The following PTPRM variants were observed in gnomAD, a reference collection of about 807,000 sequenced individuals.
The protein encoded by PTPRM is protein tyrosine phosphatase receptor type M, also known as receptor-type tyrosine-protein phosphatase mu.
In PTPRM, 47 loss-of-function variants were observed where a neutral mutation model predicts 186.7. The ratio of observed to expected loss-of-function variants is 0.25; its 90% CI spans 0.20 to 0.32. The LOEUF (loss-of-function observed/expected upper bound fraction) is 0.32. Among genes scored for constraint, PTPRM ranks in the 10% least tolerant of loss-of-function variants. PTPRM has a pLI of 1.00. For synonymous variants in PTPRM, 668 were observed against 674.9 expected, an observed-to-expected ratio of 0.99 and a Z score of 0.16; for missense variants, 1,494 against 1,865.0, an observed-to-expected ratio of 0.80 and a Z score of 3.66.
rs376111942 is a variant in PTPRM at position 8,126,360 on chromosome 18, G to GTA, written c.2167+11544_2167+11545dup. Among the ~76,000 whole-genome samples the GTA allele has an allele frequency of 8.6e-5, 13 of 151,358 alleles. No individual in the cohort carries two copies. In the South Asian group the frequency reaches 1.3e-3, roughly 15 times the overall value. On this transcript the variant is annotated intron_variant, in intron 13 of 32. Coordinates refer to ENST00000580170, the MANE Select transcript of PTPRM (RefSeq NM_001105244.2). ...ATTACAAAATATCTCTTTTTAATAT[G>GTA]TATATATATATAAATTTAATAAGCT...
At chr18:7,790,854 G>A (rs1271102678) in intron 2 of PTPRM, among the ~76,000 whole-genome samples, 1 of 152,024 alleles carries the variant, frequency 6.6e-6, no homozygotes, top group Non-Finnish European at 1.5e-5. Context: ...AACCTTCCGA[G>A]GTAGCTCATG....
intron 1 of PTPRM, among the ~76,000 whole-genome samples, chr18:7,725,864 G>A (rs1439118624): frequency 1.3e-5 from 2 of 152,126 alleles, no homozygotes; most frequent in Non-Finnish European, 2.9e-5. Context: ...AAGAACTTGG[G>A]TGCCACAAGT....
Position 7,772,349 on chromosome 18 carries a change from C to CTCTTTCTTTCTT in PTPRM, c.74-1746_74-1735dup, listed in dbSNP as rs71935994. ...CGTTCTTTCTTTTCTTTCTTTCTTT[C>CTCTTTCTTTCTT]TCTTTCTTTCTTTCTTTCTTTCTTT... On this transcript the variant is annotated intron_variant, in intron 1 of 32. Transcript: ENST00000580170. Among the ~76,000 whole-genome samples the CTCTTTCTTTCTT allele has an allele frequency of 8.8e-3, 840 of 95,926 alleles. 24 individuals carry two copies. The highest frequency in any genetic ancestry group is 0.018 in the African/African-American group (386 of 21,462). 62.9% of individuals were successfully genotyped at this position (95,926 alleles called of 152,430 possible).
At chr18:8,219,904 G>A (rs1183002181) in intron 14 of PTPRM, among the ~76,000 whole-genome samples, 2 of 152,150 alleles carry the variant, frequency 1.3e-5, no homozygotes, top group Non-Finnish European at 2.9e-5. Flanking sequence ...ACCACAAAGA[G>A]TATGTTTAGT....
rs549813484 is a variant in PTPRM, at chr18:8,207,814, G to A, written c.2301-36244G>A. ...TAGGTAGAGTGGAGTCCCAAAGAGA[G>A]GGACTGATTTTATGAATCAGTAAAT... is the stretch of plus-strand genomic sequence containing the variant. On this transcript the variant is annotated intron_variant, in intron 14 of 32. Transcript: ENST00000580170. Among the ~76,000 whole-genome samples the A allele has an allele frequency of 7.2e-5, 11 of 152,292 alleles. No individual in the cohort carries two copies. In the South Asian group the frequency reaches 1.2e-3, roughly 17 times the overall value.
chr18:8,228,367 C>A (rs768361894), intron 14 of PTPRM, among the ~76,000 whole-genome samples: 1 of 152,010 alleles, frequency 6.6e-6, no homozygotes, highest in Non-Finnish European at 1.5e-5. Flanking sequence ...GGTGCCCCAG[C>A]CAGATATATA....
chr18:7,788,530 G>T (rs914212405), intron 2 of PTPRM, among the ~76,000 whole-genome samples: 1 of 152,132 alleles, frequency 6.6e-6, no homozygotes, highest in Middle Eastern at 3.2e-3. Flanking sequence ...CTGCTTCTGG[G>T]AGTTTTAACG....
chr18:7,742,781 C>T (rs938917327), intron 1 of PTPRM, among the ~76,000 whole-genome samples: 1 of 152,116 alleles, frequency 6.6e-6, no homozygotes, highest in African/African-American at 2.4e-5. Context: ...GACTCCAGAG[C>T]GTACTTGAAT....
chr18:7,758,617 C>T (rs1378545532), intron 1 of PTPRM, among the ~76,000 whole-genome samples: 6 of 152,074 alleles, frequency 3.9e-5, no homozygotes, highest in African/African-American at 9.7e-5. Flanking sequence ...TCTGGTTTCC[C>T]CTGGGTTTTA....
intron 2 of PTPRM, among the ~76,000 whole-genome samples, chr18:7,780,119 G>T (rs1218222879): frequency 6.6e-6 from 1 of 152,114 alleles, no homozygotes; most frequent in Non-Finnish European, 1.5e-5. Context: ...TAAATCTTAG[G>T]CAAGTGGCAG....
chr18:7,946,771 A>C, intron 5 of PTPRM: 1 of 356,538 alleles, frequency 2.8e-6, no homozygotes, highest in South Asian at 2.1e-5. Flanking sequence ...ACTGTTTTAC[A>C]GATAATACTA....
chr18:8,179,865 C>T (rs534066584), intron 14 of PTPRM, among the ~76,000 whole-genome samples: 1 of 152,286 alleles, frequency 6.6e-6, no homozygotes, highest in African/African-American at 2.4e-5. Flanking sequence ...TCTTTATAAC[C>T]TTCCTTACCA....
intron 1 of PTPRM, among the ~76,000 whole-genome samples, chr18:7,603,379 T>A: frequency 6.6e-6 from 1 of 152,264 alleles, no homozygotes; most frequent in East Asian, 1.9e-4. Flanking sequence ...TGGTGTTGAA[T>A]CTTTCTGGTA....
intron 14 of PTPRM, among the ~76,000 whole-genome samples, chr18:8,209,098 C>T (rs970831275): frequency 6.6e-5 from 10 of 152,092 alleles, no homozygotes; most frequent in Non-Finnish European, 1.2e-4. Flanking sequence ...AATGGAGTCC[C>T]GTCGGAAGGT....
chr18:7,836,411 G>T (rs2046052236), intron 2 of PTPRM, among the ~76,000 whole-genome samples: 1 of 152,030 alleles, frequency 6.6e-6, no homozygotes, highest in African/African-American at 2.4e-5. Context: ...TGTAGTTTCT[G>T]TTTATATCTT....
rs192952269 is a variant in PTPRM at position 7,884,319 on chromosome 18, T to C, written c.197-3787T>C. On this transcript the variant is annotated intron_variant, in intron 2 of 32. Transcript: ENST00000580170. ...TATGAGGCTGCATAGATACACCAATTGGGAGACTGTAGAGGAAGGGAAAAA... is the reference window on the plus strand; with the variant it reads ...TATGAGGCTGCATAGATACACCAATCGGGAGACTGTAGAGGAAGGGAAAAA... Among the ~76,000 whole-genome samples the C allele has an allele frequency of 3.6e-3, 545 of 152,206 alleles. 3 individuals carry two copies. The highest frequency in any genetic ancestry group is 0.013 in the African/African-American group (528 of 41,524).
Position 7,662,608 on chromosome 18 carries a change from T to TA in PTPRM, c.73+94725dup, listed in dbSNP as rs566153964. On this transcript the variant is annotated intron_variant, in intron 1 of 32. Transcript: ENST00000580170. ...GGAAAGAGGGAGGGTTAAAGAGTAC[T>TA]AAAAAAAATAGAAAGAATGAATAAG... 3.5e-3 allele frequency among the ~76,000 whole-genome samples: 530 copies of TA among 151,478 alleles called. 1 individual carries two copies. Among genetic ancestry groups the TA allele is most frequent in the Middle Eastern group, 0.01 (3 of 292 alleles).
chr18:7,572,036 A>G (rs929151466), intron 1 of PTPRM, among the ~76,000 whole-genome samples: 3 of 152,228 alleles, frequency 2.0e-5, no homozygotes, highest in Non-Finnish European at 4.4e-5. Flanking sequence ...ATTGATAATG[A>G]AGAAAATACT....
intron 5 of PTPRM, among the ~76,000 whole-genome samples, chr18:7,927,035 C>T (rs1163275783): frequency 6.6e-6 from 1 of 152,134 alleles, no homozygotes; most frequent in Non-Finnish European, 1.5e-5. Context: ...CTCTCTCTTA[C>T]ACACATACAC....
Sources: gnomAD v4.1 joint callset for allele counts (sites outside exome capture counted in the v4.1 genomes callset) on GRCh38, gnomAD v4.1.1 for gene constraint, MANE v1.5 for transcripts, NCBI Gene and HGNC (gene_info 2026-07-23, HGNC 2026-07-21) for gene names.